Variants in COMMD10 observed in about 807,000 individuals in gnomAD.
COMMD10 encodes the protein COMM domain containing 10, also known as COMM domain-containing protein 10.
A neutral mutation model predicts 28.9 loss-of-function variants in COMMD10; 33 were observed. The observed-to-expected ratio is 1.14, with a 90% CI of 0.87 to 1.53. The LOEUF is 1.53. Ranked by LOEUF, COMMD10 falls within the 40% of genes most tolerant of loss-of-function variation. The probability of loss-of-function intolerance (pLI) is 0.00; values close to 1 mark genes in which losing one functional copy is unlikely to be tolerated. For synonymous variants in COMMD10, 110 were observed against 81.7 expected, an observed-to-expected ratio of 1.35 and a Z score of -1.87; for missense variants, 310 against 233.4, an observed-to-expected ratio of 1.33 and a Z score of -2.14.
intron 5 of COMMD10, among the ~76,000 whole-genome samples, chr5:116,138,538 T>C (rs1434464791): frequency 6.6e-6 from 1 of 151,802 alleles, no homozygotes; most frequent in East Asian, 1.9e-4. Flanking sequence ...CCAGTAAATT[T>C]CCTGTTAAAG....
At chr5:116,289,479 C>T (rs1290741904) in intron 5 of COMMD10, among the ~76,000 whole-genome samples, 1 of 151,860 alleles carries the variant, frequency 6.6e-6, no homozygotes, top group Non-Finnish European at 1.5e-5. Flanking sequence ...CTGGCACCTG[C>T]CCGTGGAACT....
intron 5 of COMMD10, among the ~76,000 whole-genome samples, chr5:116,203,610 T>G (rs185857717): frequency 0.024 from 3,718 of 152,180 alleles, 92 homozygotes; most frequent in Admixed American, 0.075. Flanking sequence ...AAAAGAATTT[T>G]CAACCCAGAA....
chr5:116,128,924 G>C (rs1406898172), intron 4 of COMMD10, among the ~76,000 whole-genome samples: 1 of 151,846 alleles, frequency 6.6e-6, no homozygotes, highest in Non-Finnish European at 1.5e-5. Context: ...ACACCTACAG[G>C]TGCTTGATGT....
At chr5:116,257,969 C>A (rs535600011) in intron 5 of COMMD10, among the ~76,000 whole-genome samples, 1 of 151,720 alleles carries the variant, frequency 6.6e-6, no homozygotes, top group South Asian at 2.1e-4. Flanking sequence ...ATGTTCAAGG[C>A]TAACTATAAT....
At chr5:116,274,611 C>T (rs939302195) in intron 5 of COMMD10, among the ~76,000 whole-genome samples, 1 of 151,776 alleles carries the variant, frequency 6.6e-6, no homozygotes, top group African/African-American at 2.4e-5. Flanking sequence ...AATACTTTTG[C>T]CAATATCAGT....
intron 5 of COMMD10, among the ~76,000 whole-genome samples, chr5:116,135,095 A>G (rs1440142728): frequency 2.0e-5 from 3 of 152,154 alleles, no homozygotes; most frequent in Admixed American, 6.5e-5. Context: ...ACTGTAATGG[A>G]TTATCTTTTA....
chr5:116,108,915 A>G (rs149997863), intron 4 of COMMD10, among the ~76,000 whole-genome samples: 2,650 of 152,184 alleles, frequency 0.017, 39 homozygotes, highest in Non-Finnish European at 0.027. Context: ...TCCTCTCGGT[A>G]CAGTCTCTTA....
Position 116,204,263 on chromosome 5 carries a change from AG to A in COMMD10, c.510+70086del, listed in dbSNP as rs1305254147. ...AGCAAGTCCTAAGTGACCTACAAGG[AG>A]ACTTAGACTCCCACACAATAATAAT... On this transcript the variant is annotated intron_variant, in intron 5 of 6. Transcript: ENST00000274458. Among the ~76,000 whole-genome samples, 7 of 152,334 alleles carry A rather than the reference AG, an allele frequency of 4.6e-5. No individual in the cohort carries two copies. The East Asian group carries it at 1.3e-3, about 29-fold the overall frequency.
chr5:116,159,587 G>T (rs942802467), intron 5 of COMMD10, among the ~76,000 whole-genome samples: 3 of 152,210 alleles, frequency 2.0e-5, no homozygotes, highest in Admixed American at 6.5e-5. Context: ...AGGCTTGTAT[G>T]CAGTGCAGTT....
chr5:116,117,614 C>G (rs773195837), intron 4 of COMMD10, among the ~76,000 whole-genome samples: 5 of 152,100 alleles, frequency 3.3e-5, no homozygotes, highest in Admixed American at 3.3e-4. Context: ...CAGGCACGCA[C>G]CACCACTCCT....
At chr5:116,100,625 G>A (rs1345116326) in intron 4 of COMMD10, among the ~76,000 whole-genome samples, 1 of 149,520 alleles carries the variant, frequency 6.7e-6, no homozygotes, top group South Asian at 2.1e-4. Flanking sequence ...CTGGTTGAAA[G>A]ACACTTCTTT....
intron 3 of COMMD10, among the ~76,000 whole-genome samples, 163 bp downstream of exon 3, chr5:116,091,352 G>A (rs1013135833): frequency 1.3e-5 from 2 of 152,002 alleles, no homozygotes; most frequent in South Asian, 2.1e-4. Flanking sequence ...TTTGAATATT[G>A]TAAAGTATTT....
intron 5 of COMMD10, among the ~76,000 whole-genome samples, chr5:116,285,370 G>C (rs1047545500): frequency 1.1e-4 from 16 of 151,860 alleles, no homozygotes; most frequent in Non-Finnish European, 1.6e-4. Context: ...TTGGCCCTTG[G>C]CCTGCCACCC....
At chr5:116,248,859 A>G (rs1016369932) in intron 5 of COMMD10, among the ~76,000 whole-genome samples, 31 of 152,016 alleles carry the variant, frequency 2.0e-4, no homozygotes, top group Non-Finnish European at 3.8e-4. Flanking sequence ...GAAAAAAACA[A>G]AAAAGCAATT....
At chr5:116,279,872 C>T (rs1045046409) in intron 5 of COMMD10, among the ~76,000 whole-genome samples, 7 of 151,644 alleles carry the variant, frequency 4.6e-5, no homozygotes, top group African/African-American at 1.2e-4. Context: ...ACACCCCATC[C>T]GCTATATTTA....
intron 5 of COMMD10, among the ~76,000 whole-genome samples, chr5:116,269,953 T>G (rs1469635053): frequency 1.3e-5 from 2 of 151,910 alleles, no homozygotes; most frequent in Non-Finnish European, 2.9e-5. Context: ...GTCACAAATT[T>G]GAAAGGAAGG....
At chr5:116,254,761 A>T (rs1370103868) in intron 5 of COMMD10, among the ~76,000 whole-genome samples, 1 of 151,564 alleles carries the variant, frequency 6.6e-6, no homozygotes, top group Non-Finnish European at 1.5e-5. Context: ...GTGCTGACAA[A>T]AATGTATATT....
chr5:116,268,866 A>C (rs570953297), intron 5 of COMMD10, among the ~76,000 whole-genome samples: 18 of 151,696 alleles, frequency 1.2e-4, no homozygotes, highest in African/African-American at 4.1e-4. Flanking sequence ...CAAACACCGC[A>C]TATTCTCACT....
At chr5:116,180,098 T>G (rs753042274) in intron 5 of COMMD10, among the ~76,000 whole-genome samples, 2 of 152,120 alleles carry the variant, frequency 1.3e-5, no homozygotes, top group Non-Finnish European at 2.9e-5. Context: ...TTGAGAGCTT[T>G]CCATATCTTT....
Sources: gnomAD v4.1 joint callset for allele counts (sites outside exome capture counted in the v4.1 genomes callset) on GRCh38, gnomAD v4.1.1 for gene constraint, MANE v1.5 for transcripts, NCBI Gene and HGNC (gene_info 2026-07-23, HGNC 2026-07-21) for gene names.